The following GPC5 variants were observed in gnomAD, a reference collection of about 807,000 sequenced individuals.
GPC5 encodes the protein glypican 5.
A neutral mutation model predicts 53.9 loss-of-function variants in GPC5; 47 were observed. The observed-to-expected ratio is 0.87, with a 90% CI of 0.69 to 1.11. The LOEUF is 1.11. Ranked by LOEUF, GPC5 falls within the 50% of genes most tolerant of loss-of-function variation. GPC5 has a pLI of 0.00. For synonymous variants in GPC5, 286 were observed against 263.3 expected, an observed-to-expected ratio of 1.09 and a Z score of -0.84; for missense variants, 748 against 713.1, an observed-to-expected ratio of 1.05 and a Z score of -0.56.
chr13:92,264,879 T>A (rs1483659305), intron 7 of GPC5, among the ~76,000 whole-genome samples: 2 of 10,332 alleles, frequency 1.9e-4, no homozygotes, highest in Non-Finnish European at 4.4e-4. Flanking sequence ...TCTCTCTCTC[T>A]GTGTGTGTGT....
chr13:92,583,036 G>A (rs889479877), intron 7 of GPC5, among the ~76,000 whole-genome samples: 1 of 151,858 alleles, frequency 6.6e-6, no homozygotes, highest in Non-Finnish European at 1.5e-5. Flanking sequence ...TTGAATGAAA[G>A]TGGTAAGAGT....
At chr13:92,771,234 G>A (rs1875602346) in intron 7 of GPC5, among the ~76,000 whole-genome samples, 1 of 152,070 alleles carries the variant, frequency 6.6e-6, no homozygotes, top group South Asian at 2.1e-4. Context: ...GCCTGTTGGG[G>A]CTAAGTCTAG....
chr13:91,574,349 T>G (rs2032053753), intron 2 of GPC5, among the ~76,000 whole-genome samples: 1 of 152,108 alleles, frequency 6.6e-6, no homozygotes, highest in Non-Finnish European at 1.5e-5. Flanking sequence ...TAACATACTT[T>G]GTAATTCCAA....
chr13:92,764,344 T>C (rs11838825), intron 7 of GPC5, among the ~76,000 whole-genome samples: 31,375 of 152,180 alleles, frequency 0.21, 3,397 homozygotes, highest in Middle Eastern at 0.28. Flanking sequence ...CAGAGCAAGA[T>C]GCATTCCAGC....
chr13:92,856,341 T>TA (rs994747069), intron 7 of GPC5, among the ~76,000 whole-genome samples: 21 of 151,532 alleles, frequency 1.4e-4, no homozygotes, highest in African/African-American at 5.1e-4. Flanking sequence ...TGAAGGAAAA[T>TA]ACCTGTAAAG....
intron 7 of GPC5, among the ~76,000 whole-genome samples, chr13:92,391,754 T>C (rs1044745944): frequency 6.6e-6 from 1 of 152,180 alleles, no homozygotes; most frequent in Non-Finnish European, 1.5e-5. Flanking sequence ...TTCTTCTGGC[T>C]TCCTTATTTT....
intron 6 of GPC5, among the ~76,000 whole-genome samples, chr13:91,922,890 T>C (rs1246784968): frequency 3.7e-5 from 5 of 135,994 alleles, no homozygotes; most frequent in Non-Finnish European, 8.1e-5. Context: ...ATCTTACTCC[T>C]AAATGCTCTG....
intron 4 of GPC5, among the ~76,000 whole-genome samples, chr13:91,755,146 G>A (rs1475835439): frequency 4.6e-5 from 7 of 151,908 alleles, no homozygotes; most frequent in Non-Finnish European, 1.5e-5. Context: ...AAAAATAATA[G>A]GAGAGAGAAC....
intron 7 of GPC5, among the ~76,000 whole-genome samples, chr13:92,274,613 C>T (rs1054841798): frequency 2.6e-5 from 4 of 152,208 alleles, no homozygotes; most frequent in Non-Finnish European, 5.9e-5. Flanking sequence ...CAGAAGGTTG[C>T]AATCAAGGTG....
intron 7 of GPC5, among the ~76,000 whole-genome samples, chr13:92,280,345 T>A (rs991273656): frequency 6.6e-6 from 1 of 152,166 alleles, no homozygotes; most frequent in Non-Finnish European, 1.5e-5. Flanking sequence ...CTACTTTATC[T>A]TTGATTTATC....
At chr13:92,754,022 A>T (rs932661762) in intron 7 of GPC5, among the ~76,000 whole-genome samples, 1 of 152,200 alleles carries the variant, frequency 6.6e-6, no homozygotes, top group Non-Finnish European at 1.5e-5. Flanking sequence ...CAAGACACAT[A>T]ATTGTCAGAT....
At chr13:92,465,960 G>T (rs1878673705) in intron 7 of GPC5, among the ~76,000 whole-genome samples, 1 of 151,860 alleles carries the variant, frequency 6.6e-6, no homozygotes, top group Non-Finnish European at 1.5e-5. Flanking sequence ...GAGGATGGGG[G>T]AGGGGTGGGT....
chr13:92,291,852 C>G (rs575936907), intron 7 of GPC5, among the ~76,000 whole-genome samples: 23 of 152,284 alleles, frequency 1.5e-4, no homozygotes, highest in African/African-American at 5.3e-4. Flanking sequence ...AGCTGTAACA[C>G]TCACCACGAA....
At chr13:91,701,207 G>A (rs1007976737) in intron 3 of GPC5, among the ~76,000 whole-genome samples, 4 of 151,848 alleles carry the variant, frequency 2.6e-5, no homozygotes, top group African/African-American at 9.7e-5. Context: ...CATTTTTTTA[G>A]TGAGAATGTT....
intron 7 of GPC5, among the ~76,000 whole-genome samples, chr13:92,753,517 C>T (rs951423421): frequency 4.6e-5 from 7 of 151,978 alleles, no homozygotes; most frequent in East Asian, 3.9e-4. Context: ...AGGCTTCAGA[C>T]GATCAAATTA....
At position 92,556,756 on chromosome 13, in the gene GPC5, C is replaced by A. The variant is rs530298104; in HGVS notation, c.1562-309526C>A. On this transcript the variant is annotated intron_variant, in intron 7 of 7. Transcript: ENST00000377067. ...CAGAGAGCAATTAAATTTGTACTAA[C>A]CTTTTGTTGTAGATCATCATATGTT... Among the ~76,000 whole-genome samples, 3 of 151,824 alleles carry A rather than the reference C, an allele frequency of 2.0e-5. No individual in the cohort carries two copies. In the East Asian group the frequency reaches 5.8e-4, roughly 30 times the overall value.
At chr13:91,450,267 C>T (rs1402128933) in intron 2 of GPC5, among the ~76,000 whole-genome samples, 2 of 152,084 alleles carry the variant, frequency 1.3e-5, no homozygotes, top group African/African-American at 4.8e-5. Flanking sequence ...TACTGATATA[C>T]ATTTTAAACC....
chr13:92,619,940 A>G (rs147215123), intron 7 of GPC5, among the ~76,000 whole-genome samples: 1 of 152,208 alleles, frequency 6.6e-6, no homozygotes, highest in African/African-American at 2.4e-5. Context: ...ATCTACAATC[A>G]GAGGACAGTA....
intron 3 of GPC5, among the ~76,000 whole-genome samples, chr13:91,716,020 T>A (rs2139933274): frequency 6.6e-6 from 1 of 152,274 alleles, no homozygotes; most frequent in Non-Finnish European, 1.5e-5. Flanking sequence ...CTCAAGCGAT[T>A]CTTCCACCTC....
Sources: gnomAD v4.1 joint callset for allele counts (sites outside exome capture counted in the v4.1 genomes callset) on GRCh38, gnomAD v4.1.1 for gene constraint, MANE v1.5 for transcripts, NCBI Gene and HGNC (gene_info 2026-07-23, HGNC 2026-07-21) for gene names.